The following LATS1 variants were observed in gnomAD, a reference collection of about 807,000 sequenced individuals.
The protein encoded by LATS1 is serine/threonine-protein kinase LATS1.
A neutral mutation model predicts 106.6 loss-of-function variants in LATS1; 25 were observed. The ratio of observed to expected loss-of-function variants is 0.23; its 90% CI spans 0.17 to 0.33. LATS1 has a LOEUF of 0.33. LATS1 is among the 10% of genes least tolerant of loss of function. The pLI, the probability that LATS1 is intolerant of heterozygous loss-of-function variation, is 1.00. For missense variants in LATS1, 1,040 were observed against 1,382.6 expected, an observed-to-expected ratio of 0.75 and a Z score of 3.93; for synonymous variants, 465 against 455.6, an observed-to-expected ratio of 1.02 and a Z score of -0.26.
intron 3 of LATS1, among the ~76,000 whole-genome samples, chr6:149,690,108 A>C (rs150621914): frequency 3.9e-5 from 6 of 152,328 alleles, no homozygotes; most frequent in Non-Finnish European, 8.8e-5. Context: ...ATGGAGAGTG[A>C]GGATTGAGAA....
chr6:149,682,987 A>T, intron 4 of LATS1, 92 bp downstream of exon 4: 1 of 1,005,906 alleles, frequency 9.9e-7, no homozygotes. Flanking sequence ...TTAGCTATAA[A>T]AAGAAAGAAA....
chr6:149,693,717 C>T (rs188460319), intron 3 of LATS1, among the ~76,000 whole-genome samples: 2 of 152,220 alleles, frequency 1.3e-5, no homozygotes, highest in Admixed American at 1.3e-4. Flanking sequence ...TTTCCATAAC[C>T]ATTAAACAGA....
chr6:149,707,812 T>C (rs1314949105), intron 1 of LATS1, among the ~76,000 whole-genome samples: 1 of 152,180 alleles, frequency 6.6e-6, no homozygotes, highest in Non-Finnish European at 1.5e-5. Context: ...GAAGTTTTCA[T>C]TTGTTGAAAA....
Position 149,658,515 on chromosome 6 carries a change from G to C in LATS1, c.*3214C>G, listed in dbSNP as rs1215798326. The C allele has an allele frequency of 2.0e-5, 3 of 152,120 alleles. No individual in the cohort carries two copies. Among genetic ancestry groups the C allele is most frequent in the African/African-American group, 7.2e-5 (3 of 41,444 alleles). 9.4% of individuals were successfully genotyped at this position (152,120 alleles called of 1,614,324 possible). The stretch of plus-strand genomic sequence containing the variant: ...TTAGATTAAAATGAACAGGCTAAAT[G>C]TTCCACTTTAAATACCAAAGGGATG... On this transcript the variant is annotated 3_prime_UTR_variant, in exon 8 of 8. Transcript: ENST00000543571.
At chr6:149,709,754 C>T (rs1401004921) in intron 1 of LATS1, among the ~76,000 whole-genome samples, 1 of 144,690 alleles carries the variant, frequency 6.9e-6, no homozygotes, top group Non-Finnish European at 1.5e-5. Flanking sequence ...TGGCTCACCA[C>T]AATCTCCGCC....
rs907322282 is a variant in LATS1, at chr6:149,698,287, A to C, written c.349-3066T>G. Among the ~76,000 whole-genome samples, 5 of 149,286 alleles carry C rather than the reference A, an allele frequency of 3.3e-5. 1 individual carries two copies. The highest frequency in any genetic ancestry group is 1.2e-4 in the African/African-American group (5 of 40,474). ...GAGACAGGGTCTTGCTCTGTTGCCC[A>C]GGCTGGAGTGCAGTGGTGCAACCAC... On this transcript the variant is annotated intron_variant, in intron 2 of 7. Transcript: ENST00000543571.
chr6:149,710,403 A>G (rs1784024167), intron 1 of LATS1, among the ~76,000 whole-genome samples: 1 of 152,208 alleles, frequency 6.6e-6, no homozygotes, highest in Admixed American at 6.5e-5. Flanking sequence ...AAGAAGGCAC[A>G]AAAATTAGGG....
intron 1 of LATS1, among the ~76,000 whole-genome samples, chr6:149,710,675 T>A (rs1582930995): frequency 6.6e-6 from 1 of 152,312 alleles, no homozygotes; most frequent in East Asian, 1.9e-4. Context: ...TGGAGGATCA[T>A]GTTTTATAGT....
At chr6:149,713,453 C>A (rs528177183) in intron 1 of LATS1, among the ~76,000 whole-genome samples, 80 of 148,810 alleles carry the variant, frequency 5.4e-4, no homozygotes, top group South Asian at 1.1e-3. Context: ...CACCACCACA[C>A]CCGGCTAATT....
chr6:149,704,491 T>G (rs1783641667), intron 1 of LATS1, among the ~76,000 whole-genome samples: 1 of 127,370 alleles, frequency 7.9e-6, no homozygotes, highest in African/African-American at 2.6e-5. Flanking sequence ...GGTTTTTTTT[T>G]TGTTTTTTTT....
intron 3 of LATS1, among the ~76,000 whole-genome samples, chr6:149,688,894 G>A (rs1279986986): frequency 2.0e-5 from 3 of 152,094 alleles, no homozygotes; most frequent in Admixed American, 6.6e-5. Flanking sequence ...CAGGCCAGGC[G>A]CGGTGGCTCA....
At position 149,662,143 on chromosome 6, in the gene LATS1, T is replaced by C; in HGVS notation, c.2979A>G (p.Glu993=). Residue 993 remains glutamate (E), a synonymous_variant, in exon 8 of 8, where the codon GAA becomes GAG. Coordinates refer to ENST00000543571, the MANE Select transcript of LATS1 (RefSeq NM_004690.4). Reference sequence around the variant, plus strand: ...CAGCACCATTCTTGCCTAAGCGATCTTCGGGTCCTCGGCAAAGTTTAATAA... The same window carrying C: ...CAGCACCATTCTTGCCTAAGCGATCCTCGGGTCCTCGGCAAAGTTTAATAA... ...DLIIKLCRGP[E]DRLGKNGADE... 1 of 1,614,134 alleles carries C rather than the reference T, an allele frequency of 6.2e-7. No homozygotes were observed. The highest frequency in any genetic ancestry group is 1.3e-5 in the African/African-American group (1 of 75,048).
rs190538045 is a variant in LATS1, at chr6:149,679,650, C to G, written c.2593+225G>C. Among the ~76,000 whole-genome samples, 207 of 151,958 alleles carry G rather than the reference C, an allele frequency of 1.4e-3. 1 individual carries two copies. Among genetic ancestry groups the G allele is most frequent in the African/African-American group, 4.8e-3 (197 of 41,444 alleles). Reference sequence around the variant, plus strand: ...TAATAATATTTAGAAACAATCAAGTCTAGCACATTCTTTCATTTCATAAGT... The same window carrying G: ...TAATAATATTTAGAAACAATCAAGTGTAGCACATTCTTTCATTTCATAAGT... On this transcript the variant is annotated intron_variant, in intron 5 of 7. Coordinates refer to ENST00000543571, the MANE Select transcript of LATS1 (RefSeq NM_004690.4).
intron 3 of LATS1, among the ~76,000 whole-genome samples, chr6:149,689,668 G>A (rs1478633024): frequency 6.6e-6 from 1 of 152,030 alleles, no homozygotes; most frequent in African/African-American, 2.4e-5. Context: ...TCCTCAAACT[G>A]CCTGCTCTAG....
chr6:149,711,603 T>A (rs1156708616), intron 1 of LATS1, among the ~76,000 whole-genome samples: 1 of 152,088 alleles, frequency 6.6e-6, no homozygotes, highest in African/African-American at 2.4e-5. Flanking sequence ...AAAAAAATCT[T>A]CTTGTCTATT....
intron 7 of LATS1, chr6:149,675,959 G>A (rs1415631500): frequency 1.1e-5 from 3 of 280,396 alleles, no homozygotes; most frequent in African/African-American, 2.2e-5. Flanking sequence ...TGGAGTTCAC[G>A]CATGCAATTC....
At chr6:149,687,625 T>G (rs988623452) in intron 3 of LATS1, among the ~76,000 whole-genome samples, 4 of 151,876 alleles carry the variant, frequency 2.6e-5, no homozygotes, top group African/African-American at 9.7e-5. Flanking sequence ...ATTGTAGAGA[T>G]GGTATCTAAG....
chr6:149,662,751 C>T (rs776953824), intron 7 of LATS1, among the ~76,000 whole-genome samples: 3 of 151,708 alleles, frequency 2.0e-5, no homozygotes, highest in African/African-American at 7.3e-5. Context: ...TGCTTGAAGC[C>T]GGGAAGGTTC....
At position 149,683,824 on chromosome 6, in the gene LATS1, T is replaced by C; in HGVS notation, c.1265A>G (p.Tyr422Cys). ...TTGCAGTCCAGGTACACTAATGTTA[T>C]ATAGTTCCATGTTATGACTATTTCT... ...PNRNSHNMELYNISVPGLQTN... is the reference protein window; with the variant it reads ...PNRNSHNMELCNISVPGLQTN... Residue 422 changes from tyrosine (Y) to cysteine (C), a missense_variant, in exon 4 of 8, where the codon TAT (tyrosine) becomes TGT (cysteine). Coordinates refer to ENST00000543571, the MANE Select transcript of LATS1 (RefSeq NM_004690.4). The C allele has an allele frequency of 2.5e-6, 4 of 1,614,104 alleles. No homozygotes were observed. Among genetic ancestry groups the C allele is most frequent in the South Asian group, 2.2e-5 (2 of 91,086 alleles).
Sources: gnomAD v4.1 joint callset for allele counts (sites outside exome capture counted in the v4.1 genomes callset) on GRCh38, gnomAD v4.1.1 for gene constraint, MANE v1.5 for transcripts, NCBI Gene and HGNC (gene_info 2026-07-23, HGNC 2026-07-21) for gene names.